KCNH7: variants seen among roughly 807,000 people sequenced by gnomAD.
KCNH7 encodes the protein voltage-gated inwardly rectifying potassium channel KCNH7.
A neutral mutation model predicts 120.8 loss-of-function variants in KCNH7; 49 were observed. The ratio of observed to expected loss-of-function variants is 0.41; its 90% CI spans 0.32 to 0.51. KCNH7 has a LOEUF of 0.51. Among genes scored for constraint, KCNH7 ranks in the 20% least tolerant of loss-of-function variants. The pLI, the probability that KCNH7 is intolerant of heterozygous loss-of-function variation, is 0.38. For synonymous variants in KCNH7, 547 were observed against 516.1 expected, an observed-to-expected ratio of 1.06 and a Z score of -0.81; for missense variants, 1,097 against 1,446.6, an observed-to-expected ratio of 0.76 and a Z score of 3.92.
chr2:162,432,405 TA>T (rs1028631599), intron 8 of KCNH7, among the ~76,000 whole-genome samples: 11 of 152,000 alleles, frequency 7.2e-5, no homozygotes, highest in African/African-American at 1.7e-4. Context: ...AAAATAACAC[TA>T]AAAATATGAA....
At chr2:162,387,148 A>G (rs1161285494) in intron 12 of KCNH7, among the ~76,000 whole-genome samples, 2 of 150,548 alleles carry the variant, frequency 1.3e-5, no homozygotes, top group African/African-American at 4.9e-5. Context: ...TTATTTCTGT[A>G]TTAGTTGCTA....
chr2:162,475,871 A>G (rs757468733), intron 6 of KCNH7, among the ~76,000 whole-genome samples: 1 of 152,184 alleles, frequency 6.6e-6, no homozygotes, highest in Non-Finnish European at 1.5e-5. Context: ...TCTAACTGAG[A>G]AAATTTCCCA....
chr2:162,536,501 G>A (rs1226251896), intron 3 of KCNH7, among the ~76,000 whole-genome samples: 1 of 151,928 alleles, frequency 6.6e-6, no homozygotes, highest in African/African-American at 2.4e-5. Context: ...ATGGTTCAAA[G>A]CATGTGGAGG....
intron 6 of KCNH7, among the ~76,000 whole-genome samples, chr2:162,460,755 T>C (rs148893400): frequency 2.0e-5 from 3 of 152,278 alleles, no homozygotes; most frequent in Non-Finnish European, 4.4e-5. Context: ...ACCTAGTTCA[T>C]GGTAGTTTGT....
intron 2 of KCNH7, among the ~76,000 whole-genome samples, chr2:162,615,979 T>C (rs1450587851): frequency 1.3e-5 from 2 of 152,182 alleles, no homozygotes; most frequent in Admixed American, 1.3e-4. Flanking sequence ...AAATTAGAGA[T>C]AGGAAAATTG....
At chr2:162,646,668 T>G (rs1233770328) in intron 2 of KCNH7, among the ~76,000 whole-genome samples, 1 of 152,178 alleles carries the variant, frequency 6.6e-6, no homozygotes, top group Non-Finnish European at 1.5e-5. Flanking sequence ...GTTTCCAGTT[T>G]GAAGACAAAG....
chr2:162,666,702 A>G (rs1387946592), intron 2 of KCNH7, among the ~76,000 whole-genome samples: 1 of 152,010 alleles, frequency 6.6e-6, no homozygotes. Flanking sequence ...AAATTTTACC[A>G]TCCTTTACTT....
At chr2:162,776,540 G>T (rs1683245869) in intron 2 of KCNH7, among the ~76,000 whole-genome samples, 1 of 152,092 alleles carries the variant, frequency 6.6e-6, no homozygotes, top group Non-Finnish European at 1.5e-5. Context: ...GAGGACAAGA[G>T]AAAGAAAGAG....
chr2:162,542,219 ATTCT>A (rs1172187511), intron 2 of KCNH7, among the ~76,000 whole-genome samples: 1 of 147,276 alleles, frequency 6.8e-6, no homozygotes, highest in Non-Finnish European at 1.5e-5. Flanking sequence ...AGTGGCTGTG[ATTCT>A]TTTTTTTTCT....
At chr2:162,610,898 G>A (rs116513730) in intron 2 of KCNH7, among the ~76,000 whole-genome samples, 1 of 152,188 alleles carries the variant, frequency 6.6e-6, no homozygotes, top group Admixed American at 6.5e-5. Context: ...GTGAAAGCCA[G>A]GTTCAGAGAA....
chr2:162,455,213 T>A (rs1263294360), intron 6 of KCNH7, among the ~76,000 whole-genome samples: 3 of 152,214 alleles, frequency 2.0e-5, no homozygotes, highest in Admixed American at 6.6e-5. Context: ...TTGTCATTGG[T>A]TCTGTTTACA....
intron 2 of KCNH7, among the ~76,000 whole-genome samples, chr2:162,739,273 C>A (rs1054469170): frequency 6.6e-6 from 1 of 152,168 alleles, no homozygotes; most frequent in African/African-American, 2.4e-5. Flanking sequence ...GCTAGGAACA[C>A]CATGCTTCAA....
chr2:162,709,957 A>G (rs1686863228), intron 2 of KCNH7, among the ~76,000 whole-genome samples: 1 of 152,148 alleles, frequency 6.6e-6, no homozygotes, highest in African/African-American at 2.4e-5. Context: ...GTAGATGTTG[A>G]AAGGATGAGA....
chr2:162,406,506 T>C lies in KCNH7; in HGVS notation c.2155-6065A>G, dbSNP rs565973923. ...GGATGACTTTGGCGGCTGTGATAAC[T>C]GACATTAGGAAATTTTCTAGGGAAA... is the stretch of plus-strand genomic sequence containing the variant. On this transcript the variant is annotated intron_variant, in intron 9 of 15. Transcript: ENST00000332142. Among the ~76,000 whole-genome samples the C allele has an allele frequency of 1.6e-4, 25 of 152,068 alleles. No individual in the cohort carries two copies. In the East Asian group the frequency reaches 4.9e-3, roughly 30 times the overall value.
At chr2:162,825,038 T>C (rs1195877882) in intron 2 of KCNH7, among the ~76,000 whole-genome samples, 2 of 151,924 alleles carry the variant, frequency 1.3e-5, no homozygotes, top group Non-Finnish European at 2.9e-5. Context: ...TTATTCCACA[T>C]AGAAAGGAGG....
At chr2:162,381,719 A>G (rs1476296463) in intron 13 of KCNH7, among the ~76,000 whole-genome samples, 3 of 152,108 alleles carry the variant, frequency 2.0e-5, no homozygotes, top group African/African-American at 7.2e-5. Context: ...TTATTTAAAG[A>G]GGCAGTTTAT....
At chr2:162,707,016 GC>G (rs1231990925) in intron 2 of KCNH7, among the ~76,000 whole-genome samples, 1 of 151,992 alleles carries the variant, frequency 6.6e-6, no homozygotes, top group Non-Finnish European at 1.5e-5. Context: ...ATTCACTCAA[GC>G]CCAAGAACAC....
chr2:162,389,148 T>C (rs1686667952), intron 12 of KCNH7, among the ~76,000 whole-genome samples: 2 of 151,960 alleles, frequency 1.3e-5, no homozygotes, highest in African/African-American at 4.8e-5. Flanking sequence ...TGTTTGTCTT[T>C]TTGTTTTGTT....
chr2:162,714,792 C>G (rs543481268), intron 2 of KCNH7, among the ~76,000 whole-genome samples: 3 of 152,092 alleles, frequency 2.0e-5, no homozygotes, highest in Non-Finnish European at 2.9e-5. Context: ...TATATAATTT[C>G]CACATGAAAC....
Sources: gnomAD v4.1 joint callset for allele counts (sites outside exome capture counted in the v4.1 genomes callset) on GRCh38, gnomAD v4.1.1 for gene constraint, MANE v1.5 for transcripts, NCBI Gene and HGNC (gene_info 2026-07-23, HGNC 2026-07-21) for gene names.